Variants in FBXW7 observed in about 807,000 individuals in gnomAD.
FBXW7 encodes F-box and WD repeat domain containing 7.
Under a neutral mutation model 86.3 loss-of-function variants are expected in FBXW7, and 11 were observed. That is an observed-to-expected ratio of 0.13 (90% CI 0.08 to 0.21). The LOEUF (loss-of-function observed/expected upper bound fraction) is 0.21, where lower values mean the gene tolerates loss of function less well. Ranked by LOEUF, FBXW7 falls within the 10% of genes least tolerant of loss-of-function variation. The pLI, the probability that FBXW7 is intolerant of heterozygous loss-of-function variation, is 1.00. For synonymous variants in FBXW7, 313 were observed against 297.9 expected, an observed-to-expected ratio of 1.05 and a Z score of -0.52; for missense variants, 488 against 847.4, an observed-to-expected ratio of 0.58 and a Z score of 5.27.
rs901589913 is a variant in FBXW7, at chr4:152,321,762, C to A, written c.*1119G>T. 8.6e-6 allele frequency: 2 copies of A among 232,580 alleles called. No individual in the cohort carries two copies. The highest frequency in any genetic ancestry group is 1.7e-5 in the Non-Finnish European group (2 of 117,498). The allele number at this position is 232,580 out of a possible 1,614,324, so 14.4% of individuals were successfully genotyped here. On this transcript the variant is annotated 3_prime_UTR_variant, in exon 14 of 14. Coordinates refer to ENST00000281708, the MANE Select transcript of FBXW7 (RefSeq NM_001349798.2). ...TTACGATGTACGTTCATCCATTCACCACAGCCCTCAAAAAGAAAAGTTTCT... is the reference window on the plus strand; with the variant it reads ...TTACGATGTACGTTCATCCATTCACAACAGCCCTCAAAAAGAAAAGTTTCT...
intron 4 of FBXW7, among the ~76,000 whole-genome samples, chr4:152,393,719 C>A (rs1560842976): frequency 6.6e-6 from 1 of 152,132 alleles, no homozygotes. Context: ...TTCCATTCCT[C>A]ATTTGCATCT....
rs559957758 is a variant in FBXW7, at chr4:152,535,818, G to C, written c.-904C>G. The C allele has an allele frequency of 6.7e-4, 261 of 392,246 alleles. No homozygotes were observed. The highest frequency in any genetic ancestry group is 1.1e-3 in the Non-Finnish European group (243 of 222,922). The allele number at this position is 392,246 out of a possible 1,614,324, so 24.3% of individuals were successfully genotyped here. A position where few individuals can be genotyped will look rare whatever the true frequency, so the allele number is the denominator to read the frequency against. ...CCCCCAAGCCGCCGGCTCCGGCTCA[G>C]GCTCGGGCTCCGGCTCTGGCTCCGG... is the stretch of plus-strand genomic sequence containing the variant. On this transcript the variant is annotated 5_prime_UTR_variant, in exon 1 of 14. Coordinates refer to ENST00000281708, the MANE Select transcript of FBXW7 (RefSeq NM_001349798.2).
chr4:152,372,314 G>A (rs1734076492), intron 4 of FBXW7, among the ~76,000 whole-genome samples: 2 of 151,908 alleles, frequency 1.3e-5, no homozygotes. Context: ...ATGAGTGGGT[G>A]ACAGTTGTAA....
chr4:152,354,450 T>C (rs1386208621), intron 4 of FBXW7, among the ~76,000 whole-genome samples: 1 of 152,134 alleles, frequency 6.6e-6, no homozygotes, highest in Non-Finnish European at 1.5e-5. Flanking sequence ...CTCAATGTTC[T>C]GGGCTATGAG....
intron 2 of FBXW7, among the ~76,000 whole-genome samples, chr4:152,414,486 CTA>C: frequency 6.6e-6 from 1 of 152,176 alleles, no homozygotes; most frequent in African/African-American, 2.4e-5. Context: ...CCACAAATGA[CTA>C]TAAAAGTATC....
chr4:152,454,259 C>T (rs866726432), intron 2 of FBXW7, among the ~76,000 whole-genome samples: 1 of 131,376 alleles, frequency 7.6e-6, no homozygotes, highest in African/African-American at 2.8e-5. Context: ...AAGCCCCCCC[C>T]CCCTTTTTTT....
At chr4:152,404,889 T>C (rs533587091) in intron 4 of FBXW7, among the ~76,000 whole-genome samples, 5 of 152,110 alleles carry the variant, frequency 3.3e-5, no homozygotes, top group South Asian at 4.2e-4. Flanking sequence ...GCTCAGGAGT[T>C]TGAGACCAGG....
intron 4 of FBXW7, among the ~76,000 whole-genome samples, chr4:152,354,913 G>T (rs1300258016): frequency 2.0e-5 from 3 of 152,052 alleles, no homozygotes; most frequent in African/African-American, 7.2e-5. Flanking sequence ...TCCCATTTGG[G>T]AATGATTTTT....
At chr4:152,442,334 G>T (rs114721486) in intron 2 of FBXW7, among the ~76,000 whole-genome samples, 2,308 of 152,294 alleles carry the variant, frequency 0.015, 62 homozygotes, top group African/African-American at 0.052. Flanking sequence ...TAGGCTGGTA[G>T]CAAAAACGAA....
chr4:152,347,873 T>A (rs1020126793), intron 5 of FBXW7, among the ~76,000 whole-genome samples: 1 of 152,064 alleles, frequency 6.6e-6, no homozygotes, highest in Non-Finnish European at 1.5e-5. Context: ...AAAGAATATA[T>A]AACTATATTA....
At chr4:152,460,263 T>C (rs1742822669) in intron 2 of FBXW7, among the ~76,000 whole-genome samples, 2 of 152,208 alleles carry the variant, frequency 1.3e-5, no homozygotes, top group South Asian at 4.1e-4. Flanking sequence ...TTGTATGTCA[T>C]TACATATTAA....
At chr4:152,380,751 TA>T (rs1024760820) in intron 4 of FBXW7, among the ~76,000 whole-genome samples, 14 of 152,004 alleles carry the variant, frequency 9.2e-5, no homozygotes, top group Admixed American at 6.6e-4. Flanking sequence ...AAATATTCAA[TA>T]AAAAAATTAA....
At chr4:152,385,999 A>G (rs1665405754) in intron 4 of FBXW7, among the ~76,000 whole-genome samples, 1 of 152,078 alleles carries the variant, frequency 6.6e-6, no homozygotes, top group South Asian at 2.1e-4. Context: ...CACTAAAAAA[A>G]CAAACCTTCA....
chr4:152,516,028 C>A (rs1394672891), intron 2 of FBXW7, among the ~76,000 whole-genome samples: 1 of 152,178 alleles, frequency 6.6e-6, no homozygotes, highest in Non-Finnish European at 1.5e-5. Flanking sequence ...AGGAATTGAA[C>A]TCTTCCCACA....
chr4:152,448,541 G>A lies in FBXW7; in HGVS notation c.-119-36012C>T, dbSNP rs142790990. On this transcript the variant is annotated intron_variant, in intron 2 of 13. Transcript: ENST00000281708. ...AACAAATCGGAGCAGCAGGTCGAACGGCTCAACCTCTTCATTAAAGAAGAA... is the reference window on the plus strand; with the variant it reads ...AACAAATCGGAGCAGCAGGTCGAACAGCTCAACCTCTTCATTAAAGAAGAA... Among the ~76,000 whole-genome samples, 337 of 152,174 alleles carry A rather than the reference G, an allele frequency of 2.2e-3. 1 individual carries two copies. Among genetic ancestry groups the A allele is most frequent in the Middle Eastern group, 0.014 (4 of 292 alleles).
At chr4:152,468,260 C>T (rs566004054) in intron 2 of FBXW7, among the ~76,000 whole-genome samples, 1 of 151,964 alleles carries the variant, frequency 6.6e-6, no homozygotes, top group African/African-American at 2.4e-5. Context: ...ACTATATTAT[C>T]GAGCAATCCC....
intron 2 of FBXW7, among the ~76,000 whole-genome samples, chr4:152,523,573 T>C (rs913508203): frequency 3.3e-5 from 5 of 152,114 alleles, no homozygotes; most frequent in Non-Finnish European, 5.9e-5. Flanking sequence ...CCAATTTAAG[T>C]AGTAAGTCAA....
intron 4 of FBXW7, among the ~76,000 whole-genome samples, chr4:152,401,289 C>G (rs538473832): frequency 5.9e-5 from 9 of 152,298 alleles, no homozygotes; most frequent in African/African-American, 2.2e-4. Context: ...TGGAAGCAAC[C>G]AAGATGTCTT....
At chr4:152,433,087 T>C (rs1472896064) in intron 2 of FBXW7, among the ~76,000 whole-genome samples, 1 of 152,240 alleles carries the variant, frequency 6.6e-6, no homozygotes, top group Non-Finnish European at 1.5e-5. Flanking sequence ...CCCTGTGTAC[T>C]TTCTATTGTA....
Sources: allele counts gnomAD v4.1 joint callset (sites outside exome capture counted in the v4.1 genomes callset), GRCh38; gene constraint gnomAD v4.1.1; transcripts MANE v1.5; gene names NCBI Gene and HGNC (gene_info 2026-07-23, HGNC 2026-07-21).